ZCRB1: variants seen among roughly 807,000 people sequenced by gnomAD.
ZCRB1 encodes the protein zinc finger CCHC-type and RNA-binding motif-containing protein 1.
In ZCRB1, 21 loss-of-function variants were observed where a neutral mutation model predicts 29.9. The ratio of observed to expected loss-of-function variants is 0.70; its 90% CI spans 0.50 to 1.01. The LOEUF (loss-of-function observed/expected upper bound fraction) is 1.01, where lower values mean the gene tolerates loss of function less well. ZCRB1 is among the 50% of genes least tolerant of loss of function. The pLI, the probability that ZCRB1 is intolerant of heterozygous loss-of-function variation, is 0.00. For missense variants in ZCRB1, 204 were observed against 253.3 expected (o/e 0.81, Z 1.32); for synonymous variants, 77 against 80.0 (o/e 0.96, Z 0.20).
intron 3 of ZCRB1, among the ~76,000 whole-genome samples, chr12:42,318,431 AC>A (rs1158320117): frequency 6.6e-6 from 1 of 152,070 alleles, no homozygotes; most frequent in Non-Finnish European, 1.5e-5. Context: ...GAGTTTGAGA[AC>A]AGCCTGGGCA....
rs765923088 is a variant in ZCRB1, at chr12:42,313,137, G to A, written c.584C>T (p.Ser195Leu). Residue 195 changes from serine (S) to leucine (L), a missense_variant, in exon 8 of 8, where the codon TCA (serine) becomes TTA (leucine). Ser to Leu is a moderately radical substitution (Grantham distance 145). Transcript: ENST00000266529. ...TATCCTTGGGCGTCTTGAATCATCT[G>A]ATGTTGAGGGGACTCCTGAACTGGG... ...WKPSSGVPST[S>L]DDSRRPRIKK... is the part of the protein sequence containing the mutation. 6.2e-7 allele frequency: 1 copy of A among 1,612,558 alleles called. No individual in the cohort carries two copies. The highest frequency in any genetic ancestry group is 1.1e-5 in the South Asian group (1 of 90,698).
intron 1 of ZCRB1, chr12:42,325,377 C>T (rs975753857): frequency 3.3e-5 from 5 of 152,142 alleles, no homozygotes; most frequent in African/African-American, 2.4e-5. Context: ...TCTTTCGAAA[C>T]GCTAATTTTG....
chr12:42,319,674 T>C (rs183625771), intron 3 of ZCRB1, among the ~76,000 whole-genome samples: 458 of 152,354 alleles, frequency 3.0e-3, no homozygotes, highest in African/African-American at 0.01. Flanking sequence ...TCCTCCGTTA[T>C]GCTAGTCTCT....
intron 2 of ZCRB1, 141 bp downstream of exon 2, chr12:42,323,878 A>G: frequency 1.4e-6 from 1 of 723,396 alleles, no homozygotes. Flanking sequence ...CCACTGCACT[A>G]CAGCCTCGTG....
chr12:42,324,772 G>A (rs1004382727), intron 1 of ZCRB1, among the ~76,000 whole-genome samples: 4 of 152,240 alleles, frequency 2.6e-5, no homozygotes, highest in African/African-American at 7.2e-5. Context: ...GAAAAACCCT[G>A]AGGCTACTCC....
rs376156072 is a variant in ZCRB1 at position 42,319,563 on chromosome 12, C to T, written c.114-1665G>A. 1.3e-4 allele frequency among the ~76,000 whole-genome samples: 20 copies of T among 152,316 alleles called. No individual in the cohort carries two copies. The South Asian group carries it at 4.1e-3, about 32-fold the overall frequency. On this transcript the variant is annotated intron_variant, in intron 3 of 7. Transcript: ENST00000266529. ...GTGCCTTTGTTCATACAGCTTCTAT[C>T]TTCTTCCACCTCTGAATCACTGCTC...
At position 42,324,069 on chromosome 12, in the gene ZCRB1, C is replaced by T; in HGVS notation, c.34G>A (p.Val12Met). The change falls in exon 2 of 8, where the codon GTG (valine) becomes ATG (methionine). Residue 12 changes from valine (V) to methionine (M), a missense_variant. Transcript: ENST00000266529. Reference protein sequence around the residue: ...SGGLAPSKSTVYVSNLPFSLT... With the variant: ...SGGLAPSKSTMYVSNLPFSLT... The stretch of plus-strand genomic sequence containing the variant: ...GAAAAAGGCAAGTTGGATACATACA[C>T]TGTGCTCTTACTTGGAGCCAATCCA... 3 of 1,614,220 alleles carry T rather than the reference C, an allele frequency of 1.9e-6. No homozygotes were observed. The highest frequency in any genetic ancestry group is 2.5e-6 in the Non-Finnish European group (3 of 1,180,040).
intron 5 of ZCRB1, among the ~76,000 whole-genome samples, chr12:42,317,056 A>T (rs1047428018): frequency 6.6e-6 from 1 of 152,048 alleles, no homozygotes; most frequent in African/African-American, 2.4e-5. Context: ...AAAAATTTAA[A>T]AATTAACCAG....
intron 5 of ZCRB1, 27 bp downstream of exon 5, chr12:42,317,313 G>A: frequency 2.0e-6 from 3 of 1,514,576 alleles, no homozygotes; most frequent in Non-Finnish European, 2.7e-6. Context: ...ACTATGGAAA[G>A]TTCCATTAAG....
chr12:42,317,914 AAG>A lies in ZCRB1; in HGVS notation c.114-18_114-17del. ...GATGGTAACCCTTAAAGCATAAACA[AAG>A]AGTTAAAAATGAGGCAGCAATAAAT... is the stretch of plus-strand genomic sequence containing the variant. On this transcript the variant is annotated splice_polypyrimidine_tract_variant and intron_variant, in intron 3 of 7. Transcript: ENST00000266529. The A allele has an allele frequency of 1.3e-6, 2 of 1,590,374 alleles. No homozygotes were observed. Among genetic ancestry groups the A allele is most frequent in the Middle Eastern group, 1.7e-4 (1 of 5,966 alleles).
intron 3 of ZCRB1, among the ~76,000 whole-genome samples, chr12:42,321,634 AAGTT>A (rs2068621704): frequency 6.6e-6 from 1 of 152,228 alleles, no homozygotes; most frequent in Non-Finnish European, 1.5e-5. Flanking sequence ...ACTGTAAAAG[AAGTT>A]AGTAATTTCA....
chr12:42,313,836 C>T (rs759134073), intron 6 of ZCRB1, 38 bp downstream of exon 6: 1 of 1,609,860 alleles, frequency 6.2e-7, no homozygotes, highest in South Asian at 1.1e-5. Flanking sequence ...AAGACAAAAG[C>T]AACATGATGA....
intron 5 of ZCRB1, among the ~76,000 whole-genome samples, chr12:42,316,014 G>A (rs2068592910): frequency 6.6e-6 from 1 of 152,090 alleles, no homozygotes; most frequent in Non-Finnish European, 1.5e-5. Context: ...TGATTTTGTA[G>A]CCAGGACGGT....
In ZCRB1 at chr12:42,313,972, T is replaced by C. The variant is rs2068582126; in HGVS notation, c.348A>G (p.Leu116=). 2 of 1,592,286 alleles carry C rather than the reference T, an allele frequency of 1.3e-6. No homozygotes were observed. Among genetic ancestry groups the C allele is most frequent in the East Asian group, 2.2e-5 (1 of 44,770 alleles). ...KCYECGESGH[L]SYACPKNMLG... is the part of the protein sequence containing the mutation. Reference sequence around the variant, plus strand: ...GCATATTTTTCGGACAGGCATAACTTAAGTGTCCACTTTCCTTTTGTTTCC... The same window carrying C: ...GCATATTTTTCGGACAGGCATAACTCAAGTGTCCACTTTCCTTTTGTTTCC... Residue 116 remains leucine, a synonymous_variant, in exon 6 of 8, where the codon TTA becomes TTG. Transcript: ENST00000266529.
chr12:42,317,927 G>A lies in ZCRB1; in HGVS notation c.114-29C>T, dbSNP rs759288360. On this transcript the variant is annotated intron_variant, in intron 3 of 7. Coordinates refer to ENST00000266529, the MANE Select transcript of ZCRB1 (RefSeq NM_033114.4). ...AAAGCATAAACAAAGAGTTAAAAATGAGGCAGCAATAAATAAAACAGATAC... is the reference window on the plus strand; with the variant it reads ...AAAGCATAAACAAAGAGTTAAAAATAAGGCAGCAATAAATAAAACAGATAC... The A allele has an allele frequency of 3.2e-6, 5 of 1,561,112 alleles. No individual in the cohort carries two copies. In the South Asian group the frequency reaches 4.6e-5, roughly 14 times the overall value.
At chr12:42,317,593 G>T in intron 4 of ZCRB1, 146 bp from the exon 5 acceptor site, 1 of 822,876 alleles carries the variant, frequency 1.2e-6, no homozygotes, top group South Asian at 1.9e-5. Context: ...CTATTCTGTA[G>T]TATTCTTATT....
chr12:42,317,947 A>T (rs2068602918), intron 3 of ZCRB1, 49 bp from the exon 4 acceptor site: 1 of 1,422,154 alleles, frequency 7.0e-7, no homozygotes, highest in South Asian at 1.2e-5. Flanking sequence ...TAAATAAAAC[A>T]GATACTAATA....
chr12:42,312,747 T>C lies in ZCRB1; in HGVS notation c.*320A>G, dbSNP rs893928399. On this transcript the variant is annotated 3_prime_UTR_variant, in exon 8 of 8. Coordinates refer to ENST00000266529, the MANE Select transcript of ZCRB1 (RefSeq NM_033114.4). ...GATTGGGATAAAGCTACAAGAAATA[T>C]GATGACAAAACACCCATATTTAAAG... 3 of 160,430 alleles carry C rather than the reference T, an allele frequency of 1.9e-5. No homozygotes were observed. Among genetic ancestry groups the C allele is most frequent in the East Asian group, 1.7e-4 (1 of 5,786 alleles). 9.9% of individuals were successfully genotyped at this position (160,430 alleles called of 1,614,324 possible).
At chr12:42,314,397 T>TAAAAAAA (rs71084639) in intron 5 of ZCRB1, among the ~76,000 whole-genome samples, 20 of 27,754 alleles carry the variant, frequency 7.2e-4, no homozygotes, top group Admixed American at 3.0e-3. Context: ...CCGTCTCTAC[T>TAAAAAAA]AAAAAAAAAA....
Sources: gnomAD v4.1 joint callset for allele counts (sites outside exome capture counted in the v4.1 genomes callset) on GRCh38, gnomAD v4.1.1 for gene constraint, MANE v1.5 for transcripts, NCBI Gene and HGNC (gene_info 2026-07-23, HGNC 2026-07-21) for gene names.